Variants in PTPRM observed in about 807,000 individuals in gnomAD.
PTPRM encodes the protein receptor-type tyrosine-protein phosphatase mu.
A neutral mutation model predicts 186.7 loss-of-function variants in PTPRM; 47 were observed. The observed-to-expected ratio is 0.25, with a 90% CI of 0.20 to 0.32. The LOEUF (loss-of-function observed/expected upper bound fraction) is 0.32, where lower values mean the gene tolerates loss of function less well. Among genes scored for constraint, PTPRM ranks in the 10% least tolerant of loss-of-function variants. The pLI, the probability that PTPRM is intolerant of heterozygous loss-of-function variation, is 1.00. For missense variants in PTPRM, 1,494 were observed against 1,865.0 expected (o/e 0.80, Z 3.66); for synonymous variants, 668 against 674.9 (o/e 0.99, Z 0.16).
At chr18:7,652,326 A>C (rs922168965) in intron 1 of PTPRM, among the ~76,000 whole-genome samples, 88 of 152,282 alleles carry the variant, frequency 5.8e-4, no homozygotes, top group Non-Finnish European at 1.0e-3. Flanking sequence ...TAGTTCAACC[A>C]TTGTGGAAGT....
At chr18:7,724,008 A>G (rs1459649371) in intron 1 of PTPRM, among the ~76,000 whole-genome samples, 1 of 151,976 alleles carries the variant, frequency 6.6e-6, no homozygotes. Context: ...CCTGCTCTGA[A>G]TTCCTAATGA....
chr18:7,714,720 CAG>C (rs1183857291), intron 1 of PTPRM, among the ~76,000 whole-genome samples: 3 of 152,142 alleles, frequency 2.0e-5, no homozygotes, highest in African/African-American at 7.2e-5. Context: ...AAACTACCAT[CAG>C]AGAATACTGT....
intron 14 of PTPRM, among the ~76,000 whole-genome samples, chr18:8,215,177 G>A (rs1601275376): frequency 6.6e-6 from 1 of 152,308 alleles, no homozygotes; most frequent in East Asian, 1.9e-4. Context: ...GGTGACCTGT[G>A]AGAACCCGAA....
intron 14 of PTPRM, among the ~76,000 whole-genome samples, chr18:8,172,789 A>G (rs570473642): frequency 6.6e-6 from 1 of 152,228 alleles, no homozygotes; most frequent in African/African-American, 2.4e-5. Context: ...TGTGGTCCTG[A>G]TTCTGCTGTT....
At chr18:7,900,843 A>C (rs970121231) in intron 3 of PTPRM, among the ~76,000 whole-genome samples, 3 of 152,232 alleles carry the variant, frequency 2.0e-5, no homozygotes, top group African/African-American at 7.2e-5. Flanking sequence ...ACAAATAAAT[A>C]GTTTTTTTTG....
At chr18:7,979,112 G>A (rs1468344222) in intron 7 of PTPRM, among the ~76,000 whole-genome samples, 2 of 152,160 alleles carry the variant, frequency 1.3e-5, no homozygotes, top group African/African-American at 4.8e-5. Flanking sequence ...AAAACAAAAG[G>A]GAGGGCAGAG....
Position 7,834,528 on chromosome 18 carries a change from A to ACACACACACACACACACACACT in PTPRM, c.197-53577_197-53576insACACACACACACACACACACTC, listed in dbSNP as rs763752808. Among the ~76,000 whole-genome samples, 48 of 146,232 alleles carry ACACACACACACACACACACACT rather than the reference A, an allele frequency of 3.3e-4. 1 individual carries two copies. The highest frequency in any genetic ancestry group is 9.3e-4 in the African/African-American group (36 of 38,556). On this transcript the variant is annotated intron_variant, in intron 2 of 32. Transcript: ENST00000580170. ...CACACACACACACACACACACACAC[A>ACACACACACACACACACACACT]CTTCCAGACTCATTCTTTCAGGTCA...
chr18:8,125,976 C>CATATATATATATAT (rs1178603481), intron 13 of PTPRM, among the ~76,000 whole-genome samples: 2 of 59,724 alleles, frequency 3.3e-5, no homozygotes, highest in Non-Finnish European at 6.3e-5. Context: ...TGTGTGTATA[C>CATATATATATATAT]ATATATATAT....
intron 7 of PTPRM, among the ~76,000 whole-genome samples, chr18:8,014,776 G>A (rs1006551430): frequency 1.3e-5 from 2 of 152,122 alleles, no homozygotes; most frequent in Admixed American, 1.3e-4. Context: ...ACACTGAAAT[G>A]TCCATATTTA....
intron 1 of PTPRM, among the ~76,000 whole-genome samples, chr18:7,732,340 A>G (rs2040677618): frequency 6.6e-6 from 1 of 152,048 alleles, no homozygotes; most frequent in Non-Finnish European, 1.5e-5. Context: ...TTCTACTTCC[A>G]TTTCATTTTC....
At chr18:8,005,820 T>G (rs949845711) in intron 7 of PTPRM, among the ~76,000 whole-genome samples, 2 of 152,244 alleles carry the variant, frequency 1.3e-5, no homozygotes, top group African/African-American at 4.8e-5. Flanking sequence ...TGCCTCAATC[T>G]GTCTTTTGTA....
intron 1 of PTPRM, among the ~76,000 whole-genome samples, chr18:7,699,915 C>A (rs2039924918): frequency 6.6e-6 from 1 of 152,108 alleles, no homozygotes; most frequent in African/African-American, 2.4e-5. Flanking sequence ...AGCTGCCTTT[C>A]TTCCACATTC....
intron 1 of PTPRM, among the ~76,000 whole-genome samples, chr18:7,759,474 G>A (rs1375710579): frequency 6.6e-6 from 1 of 152,078 alleles, no homozygotes; most frequent in Non-Finnish European, 1.5e-5. Flanking sequence ...TACTCTCTTG[G>A]TATATTAAAC....
At chr18:8,199,077 C>T (rs1027668674) in intron 14 of PTPRM, among the ~76,000 whole-genome samples, 7 of 151,980 alleles carry the variant, frequency 4.6e-5, no homozygotes, top group African/African-American at 1.4e-4. Flanking sequence ...CATCTTCTCT[C>T]GCCCCCATCT....
At chr18:8,371,376 C>T (rs372137793) in intron 24 of PTPRM, among the ~76,000 whole-genome samples, 97 of 152,244 alleles carry the variant, frequency 6.4e-4, no homozygotes, top group Middle Eastern at 3.4e-3. Flanking sequence ...TGGTGTATGT[C>T]GATATGCATT....
At chr18:7,749,955 T>G (rs958431204) in intron 1 of PTPRM, among the ~76,000 whole-genome samples, 11 of 152,232 alleles carry the variant, frequency 7.2e-5, no homozygotes, top group Admixed American at 7.2e-4. Context: ...TTAAGAGGCC[T>G]GCTGTCTACC....
chr18:7,580,408 A>T (rs559655006), intron 1 of PTPRM, among the ~76,000 whole-genome samples: 14 of 152,220 alleles, frequency 9.2e-5, no homozygotes, highest in Non-Finnish European at 1.5e-4. Flanking sequence ...CTGCTAAGCT[A>T]TGCACTTAGC....
chr18:7,604,631 G>C (rs553620290), intron 1 of PTPRM, among the ~76,000 whole-genome samples: 1 of 152,240 alleles, frequency 6.6e-6, no homozygotes, highest in Non-Finnish European at 1.5e-5. Context: ...TACTCAGAAG[G>C]AGGATGCAAA....
intron 1 of PTPRM, among the ~76,000 whole-genome samples, chr18:7,571,315 G>C (rs1165139521): frequency 6.6e-6 from 1 of 152,132 alleles, no homozygotes; most frequent in African/African-American, 2.4e-5. Flanking sequence ...TATCTTCTAG[G>C]TCTTTAGTGT....
Sources: gnomAD v4.1 joint callset for allele counts (sites outside exome capture counted in the v4.1 genomes callset) on GRCh38, gnomAD v4.1.1 for gene constraint, MANE v1.5 for transcripts, NCBI Gene and HGNC (gene_info 2026-07-23, HGNC 2026-07-21) for gene names.